Variants in ARSB observed in about 807,000 individuals in gnomAD.
The protein encoded by ARSB is arylsulfatase B, also known as N-acetylgalactosamine-4-sulfatase.
Under a neutral mutation model 50.9 loss-of-function variants are expected in ARSB, and 41 were observed. The observed-to-expected ratio is 0.81, with a 90% confidence interval of 0.63 to 1.04. The LOEUF is 1.04. Among genes scored for constraint, ARSB ranks in the 50% least tolerant of loss-of-function variants. The pLI, the probability that ARSB is intolerant of heterozygous loss-of-function variation, is 0.00. For missense variants in ARSB, 672 were observed against 693.3 expected (o/e 0.97, Z 0.35); for synonymous variants, 269 against 284.8 (o/e 0.94, Z 0.56).
chr5:78,971,112 G>A (rs1402833617), intron 1 of ARSB, among the ~76,000 whole-genome samples: 9 of 152,238 alleles, frequency 5.9e-5, no homozygotes, highest in African/African-American at 2.2e-4. Context: ...CCTGAGACCT[G>A]AGCTTACTAG....
intron 6 of ARSB, among the ~76,000 whole-genome samples, chr5:78,796,000 G>C (rs963668066): frequency 6.6e-6 from 1 of 152,184 alleles, no homozygotes; most frequent in African/African-American, 2.4e-5. Flanking sequence ...TGGTGTTACA[G>C]GGAACTTCAA....
intron 6 of ARSB, chr5:78,783,284 G>A (rs933949159): frequency 2.0e-5 from 3 of 151,974 alleles, no homozygotes; most frequent in South Asian, 4.2e-4. Context: ...GCCTTCCTTC[G>A]ATAATAGACT....
At chr5:78,952,547 G>A (rs1285518423) in intron 4 of ARSB, among the ~76,000 whole-genome samples, 1 of 152,102 alleles carries the variant, frequency 6.6e-6, no homozygotes, top group Non-Finnish European at 1.5e-5. Context: ...ATGTTTCCCA[G>A]GCTGGTGTTG....
intron 6 of ARSB, among the ~76,000 whole-genome samples, chr5:78,784,369 T>C (rs1225170068): frequency 6.6e-6 from 1 of 152,208 alleles, no homozygotes; most frequent in Admixed American, 6.5e-5. Flanking sequence ...TACCTGCACC[T>C]CCATGTTTAT....
intron 6 of ARSB, among the ~76,000 whole-genome samples, chr5:78,828,695 C>T (rs577993553): frequency 2.0e-5 from 3 of 152,256 alleles, no homozygotes; most frequent in Admixed American, 1.3e-4. Context: ...TTGTATTTTT[C>T]ATGAAGTCTA....
At chr5:78,913,338 A>T (rs1479356768) in intron 4 of ARSB, among the ~76,000 whole-genome samples, 1 of 151,850 alleles carries the variant, frequency 6.6e-6, no homozygotes, top group Admixed American at 6.6e-5. Flanking sequence ...GTTAGCCAGG[A>T]TGGTCTCGAT....
Position 78,827,104 on chromosome 5 carries a change from C to T in ARSB, c.1213+12252G>A, listed in dbSNP as rs549509368. Among the ~76,000 whole-genome samples, 8 of 152,308 alleles carry T rather than the reference C, an allele frequency of 5.3e-5. No homozygotes were observed. The South Asian group carries it at 1.0e-3, about 20-fold the overall frequency. On this transcript the variant is annotated intron_variant, in intron 6 of 7. Transcript: ENST00000264914. ...CAACGGCTCCATCAAATAGAGCCCA[C>T]CTAGACATGATTTTCTCTTTCTAGG...
intron 6 of ARSB, among the ~76,000 whole-genome samples, chr5:78,782,436 G>A (rs1748953990): frequency 6.6e-6 from 1 of 152,176 alleles, no homozygotes; most frequent in South Asian, 2.1e-4. Flanking sequence ...CCATGATAGA[G>A]TACAAAGACT....
At chr5:78,970,385 A>G (rs1474850197) in intron 1 of ARSB, among the ~76,000 whole-genome samples, 1 of 152,186 alleles carries the variant, frequency 6.6e-6, no homozygotes, top group Non-Finnish European at 1.5e-5. Context: ...TTCATAAGTT[A>G]TTTATGTTAA....
chr5:78,931,575 A>C (rs1225319946), intron 4 of ARSB, among the ~76,000 whole-genome samples: 2 of 152,106 alleles, frequency 1.3e-5, no homozygotes, highest in Middle Eastern at 3.2e-3. Flanking sequence ...GATAAAAAAC[A>C]CAATCAGCCC....
intron 4 of ARSB, among the ~76,000 whole-genome samples, chr5:78,948,207 A>C (rs1254975062): frequency 6.6e-6 from 1 of 152,190 alleles, no homozygotes; most frequent in Non-Finnish European, 1.5e-5. Flanking sequence ...AGATAGAATG[A>C]ATAAGAGCTA....
chr5:78,853,648 C>T (rs909174774), intron 5 of ARSB, among the ~76,000 whole-genome samples: 1 of 152,230 alleles, frequency 6.6e-6, no homozygotes, highest in Admixed American at 6.5e-5. Flanking sequence ...TTTGTCTGTG[C>T]CCTGCCCCCA....
intron 6 of ARSB, among the ~76,000 whole-genome samples, chr5:78,805,172 C>G (rs1743517879): frequency 6.6e-6 from 1 of 152,204 alleles, no homozygotes; most frequent in South Asian, 2.1e-4. Flanking sequence ...AAACACCCAG[C>G]CTTTTCCTAA....
chr5:78,948,441 A>G (rs1250878209), intron 4 of ARSB, among the ~76,000 whole-genome samples: 1 of 152,184 alleles, frequency 6.6e-6, no homozygotes, highest in East Asian at 1.9e-4. Context: ...ATATACCCAT[A>G]AAAATAAAAA....
intron 5 of ARSB, among the ~76,000 whole-genome samples, chr5:78,874,172 A>C (rs1747376885): frequency 1.3e-5 from 2 of 152,232 alleles, no homozygotes; most frequent in African/African-American, 4.8e-5. Flanking sequence ...ATGTTTTAAT[A>C]AACATGCAAG....
At chr5:78,782,534 T>G (rs1373358317) in intron 6 of ARSB, among the ~76,000 whole-genome samples, 3 of 152,132 alleles carry the variant, frequency 2.0e-5, no homozygotes, top group Admixed American at 1.3e-4. Flanking sequence ...AAGAACAAAT[T>G]TGGTATACAA....
In ARSB at chr5:78,966,549, T is replaced by G. The variant is rs745603581; in HGVS notation, c.500-1943A>C. Among the ~76,000 whole-genome samples the G allele has an allele frequency of 3.1e-4, 47 of 152,216 alleles. 1 individual carries two copies. The highest frequency in any genetic ancestry group is 1.6e-3 in the Admixed American group (24 of 15,288). ...CTGATTTTTAGCAAAAGAGCTGAGA[T>G]GTAACAGTGAGAAGAGCTGTGTGGT... On this transcript the variant is annotated intron_variant, in intron 2 of 7. Transcript: ENST00000264914.
intron 3 of ARSB, among the ~76,000 whole-genome samples, chr5:78,957,948 C>T (rs1167686945): frequency 3.7e-5 from 4 of 108,550 alleles, no homozygotes; most frequent in African/African-American, 6.2e-5. Flanking sequence ...CAACAATTTG[C>T]AGCCCACGTA....
rs1554069657 is a variant in ARSB, at chr5:78,780,399, A to G, written c.1600T>C (p.Ter534GlnextTer50). ...GGTTTTCTAGCCTCCCTGAAATCCT[A>G]CATCCAAGGGCCCCACACCCCAGTG... ...KATGVWGPWM[*>Q] The change falls in exon 8 of 8, where the codon TAG (stop) becomes CAG (glutamine). Residue 534 changes from the stop codon to glutamine, a stop_lost. Coordinates refer to ENST00000264914, the MANE Select transcript of ARSB (RefSeq NM_000046.5). The G allele has an allele frequency of 6.2e-7, 1 of 1,614,044 alleles. No individual in the cohort carries two copies. The highest frequency in any genetic ancestry group is 1.1e-5 in the South Asian group (1 of 91,076).
Sources: allele counts gnomAD v4.1 joint callset (sites outside exome capture counted in the v4.1 genomes callset), GRCh38; gene constraint gnomAD v4.1.1; transcripts MANE v1.5; gene names NCBI Gene and HGNC (gene_info 2026-07-23, HGNC 2026-07-21).